Variants in LMF1 observed in about 807,000 individuals in gnomAD.
LMF1 encodes the protein lipase maturation factor 1, also known as transmembrane protein 112.
Under a neutral mutation model 60.6 loss-of-function variants are expected in LMF1, and 68 were observed. The observed-to-expected ratio is 1.12, with a 90% CI of 0.92 to 1.37. The LOEUF (loss-of-function observed/expected upper bound fraction) is 1.37, where lower values mean the gene tolerates loss of function less well. Among genes scored for constraint, LMF1 ranks in the 40% most tolerant of loss-of-function variants. LMF1 has a pLI of 0.00. For synonymous variants in LMF1, 418 were observed against 324.7 expected, an observed-to-expected ratio of 1.29 and a Z score of -3.09; for missense variants, 948 against 767.2, an observed-to-expected ratio of 1.24 and a Z score of -2.78.
rs774265456 is a variant in LMF1 at position 901,759 on chromosome 16, CT to C, written c.664-8688del. 3.4e-4 allele frequency: 52 copies of C among 152,314 alleles called. 1 individual carries two copies. The highest frequency in any genetic ancestry group is 1.5e-4 in the Non-Finnish European group (10 of 68,148). The allele number at this position is 152,314 out of a possible 1,614,324, so 9.4% of individuals were successfully genotyped here. A position where few individuals can be genotyped will look rare whatever the true frequency, so the allele number is the denominator to read the frequency against. On this transcript the variant is annotated intron_variant, in intron 4 of 10. Coordinates refer to ENST00000262301, the MANE Select transcript of LMF1 (RefSeq NM_022773.4). Reference sequence around the variant, plus strand: ...GGCGAGGCCATCTGGGTCCACGTGGCTTTTTGGTGCTGTCCCCGCAGCTTGA... The same window carrying C: ...GGCGAGGCCATCTGGGTCCACGTGGCTTTTGGTGCTGTCCCCGCAGCTTGA...
intron 5 of LMF1, among the ~76,000 whole-genome samples, chr16:882,107 G>A (rs2070178285): frequency 6.6e-6 from 1 of 152,254 alleles, no homozygotes; most frequent in African/African-American, 2.4e-5. Flanking sequence ...CAGGGACACA[G>A]TGCGATGCCT....
intron 4 of LMF1, 91 bp downstream of exon 4, chr16:910,840 G>A: frequency 3.3e-6 from 5 of 1,530,816 alleles, no homozygotes; most frequent in Non-Finnish European, 4.5e-6. Flanking sequence ...CGGCGGGGGA[G>A]GAAGGAAACA....
intron 9 of LMF1, 44 bp from the exon 10 acceptor site, chr16:869,100 T>C: frequency 7.8e-7 from 1 of 1,278,706 alleles, no homozygotes. Context: ...CCACTCGCTG[T>C]CCAGGCACAG....
At position 931,530 on chromosome 16, in the gene LMF1, G is replaced by A. The variant is rs1256337791; in HGVS notation, c.514+2714C>T. ...CGCACAAACTGCATTCTCCCAGGCCGTCCCGAACGAGGCCACAGGAAAGGA... is the reference window on the plus strand; with the variant it reads ...CGCACAAACTGCATTCTCCCAGGCCATCCCGAACGAGGCCACAGGAAAGGA... On this transcript the variant is annotated intron_variant, in intron 3 of 10. Coordinates refer to ENST00000262301, the MANE Select transcript of LMF1 (RefSeq NM_022773.4). The A allele has an allele frequency of 1.1e-5, 10 of 875,354 alleles. No homozygotes were observed. In the East Asian group the frequency reaches 1.9e-4, roughly 17 times the overall value. 54.2% of individuals were successfully genotyped at this position (875,354 alleles called of 1,614,324 possible). A position where few individuals can be genotyped will look rare whatever the true frequency, so the allele number is the denominator to read the frequency against.
At chr16:955,400 ACG>A (rs1242019963) in intron 1 of LMF1, among the ~76,000 whole-genome samples, 3 of 92,458 alleles carry the variant, frequency 3.2e-5, no homozygotes, top group African/African-American at 2.0e-4. Context: ...GTGTGCATAC[ACG>A]CACACACATG....
rs193204342 is a variant in LMF1, at chr16:955,877, T to C, written c.194-1211A>G. Among the ~76,000 whole-genome samples the C allele has an allele frequency of 1.3e-3, 190 of 151,420 alleles. 4 individuals carry two copies. The highest frequency in any genetic ancestry group is 4.4e-3 in the African/African-American group (181 of 40,868). Reference sequence around the variant, plus strand: ...GCTGCAGGGCTTGACACTTACTGCCTATAGGTGAGCCACACTTGCCCTCTA... The same window carrying C: ...GCTGCAGGGCTTGACACTTACTGCCCATAGGTGAGCCACACTTGCCCTCTA... On this transcript the variant is annotated intron_variant, in intron 1 of 10. Coordinates refer to ENST00000262301, the MANE Select transcript of LMF1 (RefSeq NM_022773.4).
chr16:898,915 A>C (rs1430484994), intron 4 of LMF1: 5 of 152,268 alleles, frequency 3.3e-5, no homozygotes, highest in Non-Finnish European at 5.9e-5. Context: ...GCGTGAACCC[A>C]GAAAGGCGTG....
At chr16:898,659 C>A (rs537343650) in intron 4 of LMF1, among the ~76,000 whole-genome samples, 1 of 152,162 alleles carries the variant, frequency 6.6e-6, no homozygotes, top group African/African-American at 2.4e-5. Flanking sequence ...CTTAGTCGGG[C>A]GAGGGGAATT....
intron 6 of LMF1, among the ~76,000 whole-genome samples, chr16:877,754 G>C (rs2070034664): frequency 6.6e-6 from 1 of 152,162 alleles, no homozygotes. Flanking sequence ...AGGGGAGAAA[G>C]GGATGGACGT....
intron 2 of LMF1, chr16:934,587 C>A (rs1176502651): frequency 2.8e-6 from 1 of 354,844 alleles, no homozygotes; most frequent in African/African-American, 2.1e-5. Context: ...ATGTCATACT[C>A]TGGAATCTGA....
intron 6 of LMF1, among the ~76,000 whole-genome samples, chr16:877,892 C>T (rs1387581019): frequency 6.6e-6 from 1 of 152,134 alleles, no homozygotes; most frequent in East Asian, 1.9e-4. Context: ...ACTTAGCCAC[C>T]AAGAGGAGGA....
At chr16:953,180 CCCCAAACCA>C in intron 2 of LMF1, among the ~76,000 whole-genome samples, 2 of 123,304 alleles carry the variant, frequency 1.6e-5, no homozygotes, top group East Asian at 2.5e-4. Context: ...CACACAGACA[CCCCAAACCA>C]GCCTCCTACA....
intron 1 of LMF1, among the ~76,000 whole-genome samples, chr16:959,715 C>T (rs535510723): frequency 3.9e-5 from 6 of 152,206 alleles, no homozygotes; most frequent in Non-Finnish European, 8.8e-5. Context: ...GGCTTTCCCC[C>T]CCGGGCCTGG....
rs536742095 is a variant in LMF1 at position 911,354 on chromosome 16, G to A, written c.515-275C>T. The stretch of plus-strand genomic sequence containing the variant: ...AGGGAAAGGCCCCGCTCTGAGGTCC[G>A]CCACCTGCCACCCTGCAGGACGCTG... On this transcript the variant is annotated intron_variant, in intron 3 of 10. Coordinates refer to ENST00000262301, the MANE Select transcript of LMF1 (RefSeq NM_022773.4). 8.7e-4 allele frequency among the ~76,000 whole-genome samples: 133 copies of A among 152,184 alleles called. No homozygotes were observed. The Middle Eastern group carries it at 0.01, about 12-fold the overall frequency.
intron 5 of LMF1, 141 bp downstream of exon 5, chr16:892,866 G>C: frequency 1.6e-6 from 1 of 633,836 alleles, no homozygotes; most frequent in Non-Finnish European, 2.6e-6. Context: ...CGTGAAGGGA[G>C]GGAGAGGACG....
chr16:916,912 T>C (rs575316441), intron 3 of LMF1, among the ~76,000 whole-genome samples: 5 of 152,302 alleles, frequency 3.3e-5, no homozygotes, highest in South Asian at 2.1e-4. Flanking sequence ...GGGTCTGTTA[T>C]GGCCATTGCT....
At chr16:971,792 G>A (rs191148223), upstream of LMF1, among the ~76,000 whole-genome samples, 1 of 152,378 alleles carries the variant, frequency 6.6e-6, no homozygotes, top group East Asian at 1.9e-4. Flanking sequence ...TGAGGCTAGA[G>A]TAGGCATTGG....
rs1271805916 is a variant in LMF1 at position 953,436 on chromosome 16, CACGG to C, written c.503+917_503+920del. 1.2e-4 allele frequency among the ~76,000 whole-genome samples: 8 copies of C among 69,208 alleles called. 2 individuals carry two copies. The highest frequency in any genetic ancestry group is 3.9e-4 in the Admixed American group (3 of 7,604). 45.4% of individuals were successfully genotyped at this position (69,208 alleles called of 152,430 possible). On this transcript the variant is annotated intron_variant, in intron 2 of 10. Transcript: ENST00000262301. ...CCAGCCTCCTACACGTTCACACAGA[CACGG>C]ACCCCACACCAGCCTCCTACACGTC...
rs147401338 is a variant in LMF1, at chr16:874,042, C to T, written c.898-2701G>A. ...CCAGTGGCTGGTGGAGGCCCGGCGG[C>T]GGGTGTGAGGGTCTCCTTTGCCGGG... is the stretch of plus-strand genomic sequence containing the variant. On this transcript the variant is annotated intron_variant, in intron 6 of 10. Coordinates refer to ENST00000262301, the MANE Select transcript of LMF1 (RefSeq NM_022773.4). This position sits in a 1 kb window ranked among gnomAD's most constrained non-coding sequence, Gnocchi z 4.1. Among the ~76,000 whole-genome samples, 23 of 152,208 alleles carry T rather than the reference C, an allele frequency of 1.5e-4. No individual in the cohort carries two copies. In the East Asian group the frequency reaches 1.9e-3, roughly 13 times the overall value.
Sources: gnomAD v4.1 joint callset for allele counts (sites outside exome capture counted in the v4.1 genomes callset) on GRCh38, gnomAD v4.1.1 for gene constraint, Gnocchi (gnomAD v3.1) non-coding constraint, MANE v1.5 for transcripts, NCBI Gene and HGNC (gene_info 2026-07-23, HGNC 2026-07-21) for gene names.